GREB1L: variants seen among roughly 807,000 people sequenced by gnomAD.
The protein encoded by GREB1L is GREB1 like retinoic acid receptor coactivator.
GREB1L carries 17 observed loss-of-function variants against 200.8 expected under a neutral mutation model. That is an observed-to-expected ratio of 0.08 (90% CI 0.06 to 0.13). The LOEUF is 0.13. GREB1L is among the 10% of genes least tolerant of loss of function. GREB1L has a pLI of 1.00. For synonymous variants in GREB1L, 789 were observed against 893.0 expected (o/e 0.88, Z 2.08); for missense variants, 1,657 against 2,367.7 (o/e 0.70, Z 6.23).
rs374825313 is a variant in GREB1L, at chr18:21,429,266, T to C, written c.833-10255T>C. On this transcript the variant is annotated intron_variant, in intron 7 of 32. Transcript: ENST00000424526. ...TCCTCTCCTCTCCTCTCCTGTCCTC[T>C]CCTCTCCTCTCCTCTCCTCCCCTCC... Among the ~76,000 whole-genome samples the C allele has an allele frequency of 2.7e-4, 27 of 99,776 alleles. No homozygotes were observed. The East Asian group carries it at 9.3e-3, about 34-fold the overall frequency. 65.5% of individuals were successfully genotyped at this position (99,776 alleles called of 152,430 possible). A position where few individuals can be genotyped will look rare whatever the true frequency, so the allele number is the denominator to read the frequency against.
chr18:21,492,910 C>G (rs1047122825), intron 19 of GREB1L, among the ~76,000 whole-genome samples: 2 of 152,184 alleles, frequency 1.3e-5, no homozygotes, highest in African/African-American at 4.8e-5. Context: ...ATGATCCCAC[C>G]ACTGCACTCC....
intron 14 of GREB1L, 136 bp downstream of exon 14, chr18:21,452,353 A>C: frequency 1.2e-6 from 1 of 830,114 alleles, no homozygotes; most frequent in Non-Finnish European, 1.8e-6. Context: ...TACATGATAA[A>C]CCTGGTTGAA....
chr18:21,276,322 C>A (rs1246404643), intron 1 of GREB1L, among the ~76,000 whole-genome samples: 5 of 152,174 alleles, frequency 3.3e-5, no homozygotes, highest in African/African-American at 1.2e-4. Flanking sequence ...ATTTATTCTT[C>A]TTTGCTCTTG....
intron 16 of GREB1L, among the ~76,000 whole-genome samples, chr18:21,476,580 GT>G (rs1335806019): frequency 4.7e-5 from 7 of 147,498 alleles, no homozygotes; most frequent in South Asian, 2.2e-4. Context: ...TTGGGGTTTT[GT>G]TTTTTTTTTA....
chr18:21,454,046 T>A (rs1389889866), intron 14 of GREB1L, among the ~76,000 whole-genome samples: 1 of 152,244 alleles, frequency 6.6e-6, no homozygotes, highest in Non-Finnish European at 1.5e-5. Flanking sequence ...TGGCTCCAGC[T>A]GCGACAGTGT....
At chr18:21,469,478 G>A (rs2035397186) in intron 15 of GREB1L, among the ~76,000 whole-genome samples, 1 of 151,854 alleles carries the variant, frequency 6.6e-6, no homozygotes, top group Non-Finnish European at 1.5e-5. Flanking sequence ...GATATTCGAG[G>A]GTTACTTTGT....
In GREB1L at chr18:21,349,401, G is replaced by C. The variant is rs375798259; in HGVS notation, c.-119-16626G>C. 5.3e-5 allele frequency among the ~76,000 whole-genome samples: 8 copies of C among 152,128 alleles called. 1 individual carries two copies. The South Asian group carries it at 1.7e-3, about 32-fold the overall frequency. ...ATCATGCACCCAACAATTAACTTTA[G>C]TATTTCTAAAATACACTATGCCTTT... On this transcript the variant is annotated intron_variant, in intron 1 of 32. Transcript: ENST00000424526.
intron 8 of GREB1L, among the ~76,000 whole-genome samples, 184 bp downstream of exon 8, chr18:21,439,821 T>C (rs925568468): frequency 1.3e-5 from 2 of 152,256 alleles, no homozygotes; most frequent in African/African-American, 4.8e-5. Flanking sequence ...TCTATGTGGA[T>C]GACCTAACTG....
At chr18:21,446,018 G>A (rs1387154954) in intron 11 of GREB1L, among the ~76,000 whole-genome samples, 1 of 151,916 alleles carries the variant, frequency 6.6e-6, no homozygotes, top group Admixed American at 6.6e-5. Flanking sequence ...TTGTTTGTTT[G>A]TTTGATTATT....
chr18:21,251,155 A>C (rs1429521336), intron 1 of GREB1L, among the ~76,000 whole-genome samples: 2 of 151,910 alleles, frequency 1.3e-5, no homozygotes, highest in Admixed American at 6.5e-5. Flanking sequence ...TCTATCTCTA[A>C]AAACAAACAA....
At chr18:21,262,293 C>A (rs1011126280) in intron 1 of GREB1L, among the ~76,000 whole-genome samples, 1 of 151,658 alleles carries the variant, frequency 6.6e-6, no homozygotes, top group African/African-American at 2.4e-5. Context: ...TTTTTTTGCT[C>A]CTTCTCCAAC....
chr18:21,388,638 G>A (rs184550369), intron 4 of GREB1L, among the ~76,000 whole-genome samples: 1,546 of 146,762 alleles, frequency 0.011, 34 homozygotes, highest in African/African-American at 0.037. Flanking sequence ...TCCGCCTCCC[G>A]GGTTCACACC....
chr18:21,291,765 A>G (rs2038454104), intron 1 of GREB1L, among the ~76,000 whole-genome samples: 1 of 151,986 alleles, frequency 6.6e-6, no homozygotes, highest in African/African-American at 2.4e-5. Flanking sequence ...TTAAAGAGAA[A>G]TGGAGGCTGG....
rs2032640032 is a variant in GREB1L at position 21,426,965 on chromosome 18, AAAAAAAACAAAAAAAAAAAAAAC to A, written c.833-12548_833-12526del. Among the ~76,000 whole-genome samples the A allele has an allele frequency of 2.8e-5, 3 of 105,666 alleles. No homozygotes were observed. In the African/African-American group the frequency reaches 2.9e-4, roughly 10 times the overall value. The allele number at this position is 105,666 out of a possible 152,430, so 69.3% of individuals were successfully genotyped here. On this transcript the variant is annotated intron_variant, in intron 7 of 32. Transcript: ENST00000424526. ...CAGAGCGAGACTACGTCTCAAAAAA[AAAAAAAACAAAAAAAAAAAAAAC>A]AAAAAAAAAAAACTGTTTTGGCTAT... is the stretch of plus-strand genomic sequence containing the variant.
chr18:21,370,558 T>C (rs1279792132), intron 2 of GREB1L, among the ~76,000 whole-genome samples: 2 of 152,198 alleles, frequency 1.3e-5, no homozygotes, highest in East Asian at 3.8e-4. Flanking sequence ...AATTTTGTTA[T>C]ACAAAGAGTT....
At chr18:21,278,398 AAATAAATAAAT>A (rs2038211592) in intron 1 of GREB1L, among the ~76,000 whole-genome samples, 2 of 134,922 alleles carry the variant, frequency 1.5e-5, no homozygotes, top group African/African-American at 6.7e-5. Context: ...AAAAATAAAT[AAATAAATAAAT>A]AAATAAATAA....
chr18:21,415,773 A>G (rs572341137), intron 7 of GREB1L, among the ~76,000 whole-genome samples: 3 of 152,232 alleles, frequency 2.0e-5, no homozygotes, highest in Non-Finnish European at 4.4e-5. Flanking sequence ...CAGATAATAC[A>G]TAGCCCTAGA....
At chr18:21,368,881 A>G (rs942627976) in intron 2 of GREB1L, among the ~76,000 whole-genome samples, 4 of 151,956 alleles carry the variant, frequency 2.6e-5, no homozygotes, top group Non-Finnish European at 4.4e-5. Flanking sequence ...AAACAAAGCC[A>G]AAAAAAACCT....
chr18:21,518,747 T>A (rs1025526416), intron 31 of GREB1L, among the ~76,000 whole-genome samples: 1 of 152,214 alleles, frequency 6.6e-6, no homozygotes, highest in African/African-American at 2.4e-5. Context: ...GAGGTGGCAT[T>A]TCTCCACTTC....
Sources: allele counts gnomAD v4.1 joint callset (sites outside exome capture counted in the v4.1 genomes callset), GRCh38; gene constraint gnomAD v4.1.1; transcripts MANE v1.5; gene names NCBI Gene and HGNC (gene_info 2026-07-23, HGNC 2026-07-21).